Variants in KAZN observed in about 807,000 individuals in gnomAD.
KAZN encodes the protein kazrin.
KAZN carries 40 observed loss-of-function variants against 87.4 expected under a neutral mutation model. The observed-to-expected ratio is 0.46, with a 90% confidence interval of 0.36 to 0.60. The LOEUF is 0.60. KAZN is among the 20% of genes least tolerant of loss of function. The pLI is 0.00. For synonymous variants in KAZN, 466 were observed against 458.3 expected (o/e 1.02, Z -0.22); for missense variants, 898 against 1,073.9 (o/e 0.84, Z 2.29).
chr1:14,546,682 T>A (rs368693291), intron 2 of KAZN, among the ~76,000 whole-genome samples: 301 of 152,300 alleles, frequency 2.0e-3, no homozygotes, highest in African/African-American at 6.8e-3. Flanking sequence ...TTTATCACTC[T>A]TGTTGCTTTA....
intron 2 of KAZN, among the ~76,000 whole-genome samples, chr1:15,023,090 G>A (rs1001978437): frequency 2.0e-5 from 3 of 152,232 alleles, no homozygotes; most frequent in African/African-American, 4.8e-5. Flanking sequence ...TGAGCTGGGG[G>A]TCTGGTTTCC....
intron 1 of KAZN, among the ~76,000 whole-genome samples, chr1:14,622,279 A>T (rs1475417656): frequency 3.9e-5 from 6 of 152,234 alleles, no homozygotes; most frequent in Non-Finnish European, 8.8e-5. Context: ...TTCTAATTGG[A>T]AAGTATGGGT....
At chr1:14,244,630 C>T (rs987573661) in intron 2 of KAZN, among the ~76,000 whole-genome samples, 4 of 151,746 alleles carry the variant, frequency 2.6e-5, no homozygotes, top group African/African-American at 9.7e-5. Flanking sequence ...GTAGGGAGTG[C>T]TGGTGTGGAG....
chr1:13,931,828 C>A (rs560524900), intron 1 of KAZN, among the ~76,000 whole-genome samples: 1 of 152,104 alleles, frequency 6.6e-6, no homozygotes, highest in South Asian at 2.1e-4. Flanking sequence ...AGACACCTTA[C>A]AAAGGTGTAT....
In KAZN at chr1:14,731,945, G is replaced by A. The variant is rs185695127; in HGVS notation, c.226+132722G>A. 1.9e-3 allele frequency among the ~76,000 whole-genome samples: 297 copies of A among 152,342 alleles called. 1 individual carries two copies. Among genetic ancestry groups the A allele is most frequent in the Non-Finnish European group, 3.7e-3 (252 of 68,032 alleles). ...AGCACAGGGTCTGTGCTCAAGAAGCGACAGACTTGCTGGCCACAGTTCCCA... is the reference window on the plus strand; with the variant it reads ...AGCACAGGGTCTGTGCTCAAGAAGCAACAGACTTGCTGGCCACAGTTCCCA... On this transcript the variant is annotated intron_variant, in intron 1 of 14. Coordinates refer to ENST00000376030, the MANE Select transcript of KAZN (RefSeq NM_201628.3).
At chr1:14,868,043 T>C (rs890703419) in intron 1 of KAZN, among the ~76,000 whole-genome samples, 1 of 78,414 alleles carries the variant, frequency 1.3e-5, no homozygotes, top group African/African-American at 3.7e-5. Context: ...TCGCATAGCA[T>C]GGCATCACAT....
intron 2 of KAZN, among the ~76,000 whole-genome samples, chr1:14,445,401 A>G (rs34733252): frequency 0.25 from 38,120 of 152,094 alleles, 5,570 homozygotes; most frequent in Middle Eastern, 0.43. Context: ...CAAACACACA[A>G]GCCGAGAAGG....
chr1:14,633,470 C>A (rs1484860240), intron 1 of KAZN, among the ~76,000 whole-genome samples: 1 of 152,050 alleles, frequency 6.6e-6, no homozygotes, highest in South Asian at 2.1e-4. Context: ...CTCTAGAAGC[C>A]GGGAAAGGCA....
intron 3 of KAZN, among the ~76,000 whole-genome samples, chr1:15,035,365 G>C (rs1672156769): frequency 6.6e-6 from 1 of 152,234 alleles, no homozygotes; most frequent in South Asian, 2.1e-4. Flanking sequence ...GAGCCCCAGT[G>C]AGACAGCAGG....
chr1:14,058,713 A>AT (rs1642675027), intron 1 of KAZN, among the ~76,000 whole-genome samples: 1 of 152,230 alleles, frequency 6.6e-6, no homozygotes, highest in African/African-American at 2.4e-5. Flanking sequence ...AGAAGAAGTG[A>AT]TTAGGGATGC....
intron 2 of KAZN, among the ~76,000 whole-genome samples, chr1:14,298,737 A>G (rs1488635655): frequency 6.6e-6 from 1 of 152,166 alleles, no homozygotes; most frequent in South Asian, 2.1e-4. Context: ...GAGAGAGTCA[A>G]TTTCCCCTTT....
chr1:13,955,568 T>C (rs12756003), intron 1 of KAZN, among the ~76,000 whole-genome samples: 4,813 of 152,212 alleles, frequency 0.032, 124 homozygotes, highest in Middle Eastern at 0.075. Context: ...GGGTGGTGTC[T>C]TTTGGGATTA....
At chr1:14,050,845 C>A (rs72859501) in intron 1 of KAZN, among the ~76,000 whole-genome samples, 1 of 152,150 alleles carries the variant, frequency 6.6e-6, no homozygotes, top group Non-Finnish European at 1.5e-5. Flanking sequence ...GGCCCACTGC[C>A]GCATCCTCAG....
chr1:14,047,674 C>T (rs1037013971), intron 1 of KAZN, among the ~76,000 whole-genome samples: 5 of 152,098 alleles, frequency 3.3e-5, no homozygotes, highest in African/African-American at 1.2e-4. Context: ...TTGAGACCAG[C>T]CTGGCCAACA....
At chr1:14,016,254 CTT>C (rs1640566569) in intron 1 of KAZN, among the ~76,000 whole-genome samples, 1 of 152,190 alleles carries the variant, frequency 6.6e-6, no homozygotes. Context: ...TTATTAAACA[CTT>C]TGCACACATT....
At chr1:14,761,472 G>A (rs150200825) in intron 1 of KAZN, among the ~76,000 whole-genome samples, 75 of 152,250 alleles carry the variant, frequency 4.9e-4, no homozygotes, top group African/African-American at 1.7e-3. Flanking sequence ...TCCTCAGCCC[G>A]TAGCACAGGG....
intron 1 of KAZN, among the ~76,000 whole-genome samples, chr1:14,645,773 C>T (rs1280572460): frequency 6.6e-6 from 1 of 152,224 alleles, no homozygotes; most frequent in African/African-American, 2.4e-5. Context: ...GCTAGGACTT[C>T]CAATACTACG....
At chr1:14,929,764 G>A (rs1453830690) in intron 1 of KAZN, 14 of 985,330 alleles carry the variant, frequency 1.4e-5, no homozygotes, top group African/African-American at 1.4e-4. Context: ...CCGTGAGTGC[G>A]TCTTATGTTG....
At chr1:14,691,877 C>T (rs900896546) in intron 1 of KAZN, among the ~76,000 whole-genome samples, 3 of 151,924 alleles carry the variant, frequency 2.0e-5, no homozygotes, top group African/African-American at 7.3e-5. Flanking sequence ...TCCAGGCCAC[C>T]TGAGCAGGTA....
Sources: gnomAD v4.1 joint callset for allele counts (sites outside exome capture counted in the v4.1 genomes callset) on GRCh38, gnomAD v4.1.1 for gene constraint, MANE v1.5 for transcripts, NCBI Gene and HGNC (gene_info 2026-07-23, HGNC 2026-07-21) for gene names.